Variants in MYO9A observed in about 807,000 individuals in gnomAD.
The protein encoded by MYO9A is unconventional myosin-IXa.
A neutral mutation model predicts 293.3 loss-of-function variants in MYO9A; 103 were observed. The ratio of observed to expected loss-of-function variants is 0.35; its 90% CI spans 0.30 to 0.41. The LOEUF is 0.41. MYO9A is among the 10% of genes least tolerant of loss of function. MYO9A has a pLI of 1.00. For missense variants in MYO9A, 2,685 were observed against 3,033.0 expected (o/e 0.89, Z 2.69); for synonymous variants, 1,001 against 1,035.7 (o/e 0.97, Z 0.64).
rs1195839519 is a variant in MYO9A, at chr15:71,994,465, T to C, written c.1587+4A>G. The C allele has an allele frequency of 2.0e-6, 3 of 1,517,172 alleles. No individual in the cohort carries two copies. Among genetic ancestry groups the C allele is most frequent in the Non-Finnish European group, 2.7e-6 (3 of 1,113,952 alleles). 94.0% of individuals were successfully genotyped at this position (1,517,172 alleles called of 1,614,324 possible). On this transcript the variant is annotated splice_donor_region_variant and intron_variant, in intron 10 of 41. Coordinates refer to ENST00000356056, the MANE Select transcript of MYO9A (RefSeq NM_006901.4). ...AAACATATTATAATCCAATATATCATTACCTTGGTATTATGCTCTAAATCT... is the reference window on the plus strand; with the variant it reads ...AAACATATTATAATCCAATATATCACTACCTTGGTATTATGCTCTAAATCT...
chr15:72,083,235 G>A (rs1418545931), intron 1 of MYO9A, among the ~76,000 whole-genome samples: 1 of 151,978 alleles, frequency 6.6e-6, no homozygotes, highest in African/African-American at 2.4e-5. Context: ...ATTTCTTCCT[G>A]GTTGAGTCTT....
At chr15:71,894,625 T>C (rs928810702) in intron 25 of MYO9A, among the ~76,000 whole-genome samples, 4 of 152,118 alleles carry the variant, frequency 2.6e-5, no homozygotes, top group Admixed American at 2.6e-4. Flanking sequence ...TTGAATAGCC[T>C]AAAATCAACA....
intron 18 of MYO9A, among the ~76,000 whole-genome samples, chr15:71,927,229 T>G (rs2058336194): frequency 6.6e-6 from 1 of 152,242 alleles, no homozygotes. Context: ...ATTAAGTTGT[T>G]TGGACTGCTT....
rs1491161808 is a variant in MYO9A at position 71,884,958 on chromosome 15, CCT to C, written c.5256-1224_5256-1223del. On this transcript the variant is annotated intron_variant, in intron 27 of 41. Transcript: ENST00000356056. ...GAAGCCCATGAGCTCTTTCTTTCTTCCTTTTTTTTTTTTTTTTTAAAAAAAAG... is the reference window on the plus strand; with the variant it reads ...GAAGCCCATGAGCTCTTTCTTTCTTCTTTTTTTTTTTTTTTTAAAAAAAAG... Among the ~76,000 whole-genome samples, 95 of 136,182 alleles carry C rather than the reference CCT, an allele frequency of 7.0e-4. 2 individuals are homozygous for C. The highest frequency in any genetic ancestry group is 6.5e-3 in the Admixed American group (93 of 14,310). 89.3% of individuals were successfully genotyped at this position (136,182 alleles called of 152,430 possible).
rs535929054 is a variant in MYO9A, at chr15:71,830,478, A to G, written c.6838-167T>C. On this transcript the variant is annotated intron_variant, in intron 39 of 41. Transcript: ENST00000356056. ...TTAGTGAGACATATTCATACAACAC[A>G]TTTAAGTTAAAATATTTCTTGCAGG... Among the ~76,000 whole-genome samples the G allele has an allele frequency of 5.9e-5, 9 of 152,308 alleles. No homozygotes were observed. In the South Asian group the frequency reaches 1.0e-3, roughly 18 times the overall value.
intron 2 of MYO9A, among the ~76,000 whole-genome samples, chr15:72,043,340 T>C (rs2078282972): frequency 6.6e-6 from 1 of 152,206 alleles, no homozygotes; most frequent in African/African-American, 2.4e-5. Flanking sequence ...ACTTATCATC[T>C]GATCTAGTCA....
In MYO9A at chr15:71,996,361, C is replaced by T. The variant is rs1232925290; in HGVS notation, c.1471-1776G>A. On this transcript the variant is annotated intron_variant, in intron 9 of 41. Coordinates refer to ENST00000356056, the MANE Select transcript of MYO9A (RefSeq NM_006901.4). ...CAGTATTTATGGTTTACATAATGTA[C>T]CATTTTTATAAAATACCATAGTCAT... Among the ~76,000 whole-genome samples, 4 of 152,038 alleles carry T rather than the reference C, an allele frequency of 2.6e-5. 1 individual carries two copies. The highest frequency in any genetic ancestry group is 4.8e-5 in the African/African-American group (2 of 41,388).
rs1455845568 is a variant in MYO9A, at chr15:71,830,287, TTCC to T, written c.6859_6861del (p.Gly2287del). ...ACAGGAGACGATGGACCTGGATAGT[TTCC>T]TCGACGAATACGCCCCTTTCCCTGC... On this transcript the variant is annotated inframe_deletion, in exon 40 of 42. Transcript: ENST00000356056. The T allele has an allele frequency of 2.2e-5, 36 of 1,613,734 alleles. No homozygotes were observed. Among genetic ancestry groups the T allele is most frequent in the Non-Finnish European group, 3.0e-5 (35 of 1,179,910 alleles).
At chr15:71,905,985 G>T (rs2057624561) in intron 19 of MYO9A, among the ~76,000 whole-genome samples, 1 of 151,914 alleles carries the variant, frequency 6.6e-6, no homozygotes, top group African/African-American at 2.4e-5. Context: ...TCTAATAAAA[G>T]CATTTAGTGC....
intron 15 of MYO9A, 146 bp downstream of exon 15, chr15:71,951,631 C>A: frequency 1.2e-6 from 1 of 834,938 alleles, no homozygotes; most frequent in Non-Finnish European, 1.8e-6. Flanking sequence ...GTACTAAAGA[C>A]TCAATAGAAA....
chr15:71,917,301 C>A (rs909628187), intron 18 of MYO9A, among the ~76,000 whole-genome samples: 5 of 152,172 alleles, frequency 3.3e-5, no homozygotes, highest in Non-Finnish European at 5.9e-5. Context: ...CTTTGGGAGA[C>A]TGAGGTGGGC....
At chr15:72,080,636 G>C (rs1331698174) in intron 1 of MYO9A, among the ~76,000 whole-genome samples, 3 of 151,872 alleles carry the variant, frequency 2.0e-5, no homozygotes, top group African/African-American at 4.8e-5. Flanking sequence ...TTAAGTTCAA[G>C]GGTACATGTG....
chr15:71,865,835 T>C (rs1286533760), intron 32 of MYO9A, among the ~76,000 whole-genome samples: 1 of 152,184 alleles, frequency 6.6e-6, no homozygotes, highest in African/African-American at 2.4e-5. Context: ...TATCTCAGTT[T>C]TAAAAAATGC....
At chr15:71,855,076 C>T (rs1388035091) in intron 34 of MYO9A, among the ~76,000 whole-genome samples, 1 of 152,192 alleles carries the variant, frequency 6.6e-6, no homozygotes, top group Non-Finnish European at 1.5e-5. Context: ...ACTACTGTTA[C>T]AGCTCTTTTG....
At chr15:71,868,984 T>C (rs2056424883) in intron 32 of MYO9A, among the ~76,000 whole-genome samples, 1 of 152,194 alleles carries the variant, frequency 6.6e-6, no homozygotes, top group Non-Finnish European at 1.5e-5. Flanking sequence ...CCAGTGGCAC[T>C]TCCTTTGAGC....
intron 19 of MYO9A, among the ~76,000 whole-genome samples, chr15:71,907,979 T>A (rs1279067209): frequency 3.9e-5 from 6 of 152,256 alleles, no homozygotes; most frequent in Non-Finnish European, 7.3e-5. Context: ...TTGGCTTTTG[T>A]TGCCATTGCT....
chr15:71,922,118 C>T (rs559308061), intron 18 of MYO9A, among the ~76,000 whole-genome samples: 1 of 152,314 alleles, frequency 6.6e-6, no homozygotes, highest in Non-Finnish European at 1.5e-5. Flanking sequence ...GTTGAGACTA[C>T]AGGCACGTGC....
chr15:72,018,871 A>G (rs1326391656), intron 6 of MYO9A, among the ~76,000 whole-genome samples, 168 bp downstream of exon 6: 1 of 152,246 alleles, frequency 6.6e-6, no homozygotes, highest in Non-Finnish European at 1.5e-5. Flanking sequence ...TCAACAAACT[A>G]TACAGATATA....
chr15:72,011,753 C>T (rs1029453791), intron 6 of MYO9A, among the ~76,000 whole-genome samples: 5 of 152,192 alleles, frequency 3.3e-5, no homozygotes, highest in Admixed American at 2.0e-4. Flanking sequence ...TAAGTTCTCA[C>T]AGTCCCTTGC....
Sources: allele counts gnomAD v4.1 joint callset (sites outside exome capture counted in the v4.1 genomes callset), GRCh38; gene constraint gnomAD v4.1.1; transcripts MANE v1.5; gene names NCBI Gene and HGNC (gene_info 2026-07-23, HGNC 2026-07-21).